The following CORO2A variants were observed in gnomAD, a reference collection of about 807,000 sequenced individuals.
CORO2A encodes the protein coronin-2A.
A neutral mutation model predicts 62.4 loss-of-function variants in CORO2A; 47 were observed. The observed-to-expected ratio is 0.75, with a 90% confidence interval of 0.60 to 0.96. The LOEUF is 0.96. CORO2A is among the 40% of genes least tolerant of loss of function. CORO2A has a pLI of 0.00. For missense variants in CORO2A, 610 were observed against 684.1 expected, an observed-to-expected ratio of 0.89 and a Z score of 1.21; for synonymous variants, 273 against 268.9, an observed-to-expected ratio of 1.02 and a Z score of -0.15.
intron 1 of CORO2A, among the ~76,000 whole-genome samples, chr9:98,186,866 C>G (rs1479999874): frequency 6.6e-6 from 1 of 152,162 alleles, no homozygotes; most frequent in Non-Finnish European, 1.5e-5. Context: ...CCCAACCTCT[C>G]CCCTAGCACT....
At chr9:98,179,451 C>T (rs1486547897) in intron 1 of CORO2A, among the ~76,000 whole-genome samples, 1 of 152,206 alleles carries the variant, frequency 6.6e-6, no homozygotes, top group African/African-American at 2.4e-5. Flanking sequence ...GTCCTTCCTG[C>T]CTCCTCCAGG....
chr9:98,126,955 C>T (rs1330271711), intron 10 of CORO2A, 132 bp from the exon 11 acceptor site: 2 of 1,013,860 alleles, frequency 2.0e-6, no homozygotes, highest in Admixed American at 2.2e-5. Flanking sequence ...GTGGGAAATA[C>T]AGCTACCTGT....
In CORO2A at chr9:98,126,567, T is replaced by A. The variant is rs1315912342; in HGVS notation, c.1428A>T (p.Pro476=). ...TTCACACCTCATTCTCTGTCTTTGG[T>A]GGGGGGCATTCGAAAACGTCAAAGC... ...TNGFDVFECP[P]PKTENELLQM... is the part of the protein sequence containing the mutation. The change falls in exon 11 of 12, where the codon CCA becomes CCT. Residue 476 remains proline (P), a synonymous_variant. Coordinates refer to ENST00000375077, the MANE Select transcript of CORO2A (RefSeq NM_052820.4). The A allele has an allele frequency of 6.2e-7, 1 of 1,613,670 alleles. No individual in the cohort carries two copies. Among genetic ancestry groups the A allele is most frequent in the Non-Finnish European group, 8.5e-7 (1 of 1,179,806 alleles).
intron 1 of CORO2A, among the ~76,000 whole-genome samples, chr9:98,161,821 A>C (rs1397577107): frequency 6.6e-6 from 1 of 152,062 alleles, no homozygotes; most frequent in African/African-American, 2.4e-5. Flanking sequence ...ATGAGCTTAC[A>C]TTAACAACAG....
chr9:98,149,970 TG>T (rs1284471729), intron 2 of CORO2A, among the ~76,000 whole-genome samples: 5 of 151,184 alleles, frequency 3.3e-5, no homozygotes, highest in Non-Finnish European at 7.4e-5. Flanking sequence ...CACTGTTGCC[TG>T]GGCTGGATGG....
chr9:98,139,059 A>G (rs1023168665), intron 2 of CORO2A, among the ~76,000 whole-genome samples: 34 of 151,888 alleles, frequency 2.2e-4, no homozygotes, highest in Non-Finnish European at 2.8e-4. Context: ...AAAAAAAAAA[A>G]AAAGAAAGAA....
intron 11 of CORO2A, among the ~76,000 whole-genome samples, chr9:98,125,552 C>T (rs562352087): frequency 6.6e-5 from 10 of 152,272 alleles, no homozygotes; most frequent in African/African-American, 1.4e-4. Flanking sequence ...AATTCAATCA[C>T]GTGCTGTATC....
At chr9:98,181,142 G>A (rs1436641889) in intron 1 of CORO2A, among the ~76,000 whole-genome samples, 5 of 151,366 alleles carry the variant, frequency 3.3e-5, no homozygotes, top group African/African-American at 1.2e-4. Context: ...AGGCCCCAGT[G>A]GGGTGAAGGC....
At chr9:98,154,327 G>GTATATATATATA (rs1252469980) in intron 2 of CORO2A, among the ~76,000 whole-genome samples, 106 of 93,256 alleles carry the variant, frequency 1.1e-3, no homozygotes, top group African/African-American at 4.1e-3. Flanking sequence ...ATGTGTTTGT[G>GTATATATATATA]TGTATATATA....
intron 1 of CORO2A, among the ~76,000 whole-genome samples, chr9:98,191,728 TA>T (rs1279010803): frequency 6.6e-6 from 1 of 152,182 alleles, no homozygotes. Flanking sequence ...CCCCATCCCT[TA>T]ATGCCACGCG....
intron 2 of CORO2A, among the ~76,000 whole-genome samples, chr9:98,148,474 G>A (rs1018457219): frequency 2.0e-5 from 3 of 151,694 alleles, no homozygotes; most frequent in East Asian, 3.9e-4. Context: ...GAGGCCAGGT[G>A]CAGTGGCTCA....
chr9:98,135,291 G>A (rs956928720), intron 3 of CORO2A, among the ~76,000 whole-genome samples: 1 of 152,218 alleles, frequency 6.6e-6, no homozygotes, highest in African/African-American at 2.4e-5. Context: ...TGTCTCCTAA[G>A]CTAGGATATC....
Position 98,133,149 on chromosome 9 carries a change from G to T in CORO2A, c.537C>A (p.His179Gln), listed in dbSNP as rs774626906. ...ITSPMSTISCHQDVILSMSFN... is the reference protein window; with the variant it reads ...ITSPMSTISCQQDVILSMSFN... ...AGGACATGGAGAGGATCACATCTTGGTGACAGCTAATCGTACTCATGGGGC... is the reference window on the plus strand; with the variant it reads ...AGGACATGGAGAGGATCACATCTTGTTGACAGCTAATCGTACTCATGGGGC... The change falls in exon 5 of 12, where the codon CAC becomes CAA. Residue 179 changes from histidine to glutamine, a missense_variant. Transcript: ENST00000375077. The T allele has an allele frequency of 6.2e-7, 1 of 1,614,236 alleles. No homozygotes were observed. The highest frequency in any genetic ancestry group is 1.7e-5 in the Admixed American group (1 of 60,032).
chr9:98,162,227 C>CA (rs1827896106), intron 1 of CORO2A, among the ~76,000 whole-genome samples: 1 of 152,212 alleles, frequency 6.6e-6, no homozygotes, highest in African/African-American at 2.4e-5. Flanking sequence ...CAGGTCCTCA[C>CA]AGACAATACC....
At chr9:98,153,649 A>AACACACACACAC (rs55685018) in intron 2 of CORO2A, among the ~76,000 whole-genome samples, 19 of 133,972 alleles carry the variant, frequency 1.4e-4, no homozygotes, top group Non-Finnish European at 1.8e-4. Context: ...TCTGTTTCCA[A>AACACACACACAC]ACACACACAC....
At chr9:98,163,753 A>C (rs1175531304) in intron 1 of CORO2A, among the ~76,000 whole-genome samples, 2 of 142,230 alleles carry the variant, frequency 1.4e-5, no homozygotes, top group African/African-American at 5.6e-5. Context: ...AGAGAGAGAG[A>C]GAGAGAGAGA....
intron 8 of CORO2A, 111 bp from the exon 9 acceptor site, chr9:98,128,830 A>G: frequency 3.8e-6 from 3 of 786,290 alleles, no homozygotes; most frequent in African/African-American, 1.7e-5. Context: ...CTCCTCCCAG[A>G]AAACAGCTCA....
In CORO2A at chr9:98,132,166, G is replaced by A. The variant is rs1827417367; in HGVS notation, c.765+19C>T. The A allele has an allele frequency of 6.4e-7, 1 of 1,566,360 alleles. No homozygotes were observed. The highest frequency in any genetic ancestry group is 1.7e-5 in the Admixed American group (1 of 59,958). On this transcript the variant is annotated intron_variant, in intron 6 of 11. Transcript: ENST00000375077. ...TCTCAGCTGAGGGGTGATGGTGAGG[G>A]GTGGGGTGCAGCCCTCACCTGGTCC...
At chr9:98,128,028 C>T (rs1307160207) in intron 10 of CORO2A, 142 bp downstream of exon 10, 6 of 653,324 alleles carry the variant, frequency 9.2e-6, no homozygotes, top group African/African-American at 1.8e-5. Context: ...ATGCTACCCA[C>T]TGGGGACTGA....
Sources: allele counts gnomAD v4.1 joint callset (sites outside exome capture counted in the v4.1 genomes callset), GRCh38; gene constraint gnomAD v4.1.1; transcripts MANE v1.5; gene names NCBI Gene and HGNC (gene_info 2026-07-23, HGNC 2026-07-21).